Variants in RNF149 observed in about 807,000 individuals in gnomAD.
The protein encoded by RNF149 is E3 ubiquitin-protein ligase RNF149.
RNF149 carries 21 observed loss-of-function variants against 39.0 expected under a neutral mutation model. The observed-to-expected ratio is 0.54, with a 90% CI of 0.38 to 0.77. RNF149 has a LOEUF of 0.77. Among genes scored for constraint, RNF149 ranks in the 30% least tolerant of loss-of-function variants. The probability of loss-of-function intolerance (pLI) is 0.00; values close to 1 mark genes in which losing one functional copy is unlikely to be tolerated. For missense variants in RNF149, 493 were observed against 534.9 expected (o/e 0.92, Z 0.77); for synonymous variants, 209 against 213.6 (o/e 0.98, Z 0.19).
At chr2:101,289,522 T>C (rs771455764) in intron 3 of RNF149, among the ~76,000 whole-genome samples, 2 of 151,956 alleles carry the variant, frequency 1.3e-5, no homozygotes, top group Non-Finnish European at 2.9e-5. Context: ...CTGGCCAACA[T>C]GGTGAAACCT....
rs148697491 is a variant in RNF149 at position 101,295,064 on chromosome 2, T to C, written c.578A>G (p.Gln193Arg). The change falls in exon 2 of 7, where the codon CAG (glutamine) becomes CGG (arginine). Residue 193 changes from glutamine to arginine, a missense_variant. By Grantham distance (43) the Gln-to-Arg change is conservative. Transcript: ENST00000295317. ...CACAGACTGACCGCTGATGAACTCC[T>C]GTACATGCCGGGTGCCAACCCCTAT... Reference protein sequence around the residue: ...MTIGVGTRHVQEFISGQSVVF... With the variant: ...MTIGVGTRHVREFISGQSVVF... 8.7e-6 allele frequency: 14 copies of C among 1,614,066 alleles called. No individual in the cohort carries two copies. Among genetic ancestry groups the C allele is most frequent in the African/African-American group, 6.7e-5 (5 of 74,938 alleles).
chr2:101,279,790 C>T (rs189190285), intron 6 of RNF149, among the ~76,000 whole-genome samples: 2 of 152,268 alleles, frequency 1.3e-5, no homozygotes, highest in Admixed American at 1.3e-4. Context: ...TTTTGCCTCA[C>T]AGATCCTAAA....
intron 6 of RNF149, among the ~76,000 whole-genome samples, chr2:101,277,810 C>G (rs1369886594): frequency 6.6e-6 from 1 of 152,190 alleles, no homozygotes; most frequent in Non-Finnish European, 1.5e-5. Flanking sequence ...GCCTAGCCAA[C>G]ATTAATCTCA....
At chr2:101,304,305 G>C (rs1041071621) in intron 1 of RNF149, among the ~76,000 whole-genome samples, 1 of 152,214 alleles carries the variant, frequency 6.6e-6, no homozygotes, top group African/African-American at 2.4e-5. Flanking sequence ...GCTGAGGTGA[G>C]AGGATCACTT....
intron 6 of RNF149, among the ~76,000 whole-genome samples, chr2:101,277,732 C>A (rs1165761745): frequency 6.6e-6 from 1 of 152,156 alleles, no homozygotes; most frequent in East Asian, 1.9e-4. Flanking sequence ...ACTGATAACC[C>A]ATTCCACTGA....
chr2:101,296,937 G>A (rs548739697), intron 1 of RNF149, among the ~76,000 whole-genome samples: 47 of 152,212 alleles, frequency 3.1e-4, no homozygotes, highest in African/African-American at 1.1e-3. Context: ...GGCCGGGCAC[G>A]GTGCCTCACG....
chr2:101,295,110 C>T lies in RNF149; in HGVS notation c.532G>A (p.Gly178Arg). ...CCTATGGTCATCGTTACTGGAATTC[C>T]TTTTTGCACCAGCTCCAAAATTTCT... ...GREILELVQK[G>R]IPVTMTIGVG... Residue 178 changes from glycine (G) to arginine (R), a missense_variant, in exon 2 of 7, where the codon GGA (glycine) becomes AGA (arginine). Gly to Arg is a moderately radical substitution (Grantham distance 125). Transcript: ENST00000295317. 2 of 1,614,092 alleles carry T rather than the reference C, an allele frequency of 1.2e-6. No individual in the cohort carries two copies. The highest frequency in any genetic ancestry group is 1.7e-6 in the Non-Finnish European group (2 of 1,180,000).
At chr2:101,287,847 A>C (rs1243425084) in intron 4 of RNF149, among the ~76,000 whole-genome samples, 1 of 152,214 alleles carries the variant, frequency 6.6e-6, no homozygotes, top group East Asian at 1.9e-4. Context: ...TCTGCAAACA[A>C]AGCAAAATAT....
intron 1 of RNF149, among the ~76,000 whole-genome samples, chr2:101,296,768 G>A (rs1382673245): frequency 2.6e-5 from 4 of 152,048 alleles, no homozygotes; most frequent in Admixed American, 1.3e-4. Flanking sequence ...CCAATGGCTA[G>A]AAGAAACATG....
rs922441545 is a variant in RNF149, at chr2:101,276,539, C to T, written c.*699G>A. The T allele has an allele frequency of 2.2e-5, 22 of 985,448 alleles. No individual in the cohort carries two copies. In the Admixed American group the frequency reaches 3.7e-4, roughly 17 times the overall value. The allele number at this position is 985,448 out of a possible 1,614,324, so 61.0% of individuals were successfully genotyped here. On this transcript the variant is annotated 3_prime_UTR_variant, in exon 7 of 7. Transcript: ENST00000295317. ...CAATGAAGAACTTAATGCTCATGTG[C>T]GATATAGAATCTTAGCTTTTTATTT... is the stretch of plus-strand genomic sequence containing the variant.
chr2:101,277,399 T>C (rs182781380), intron 6 of RNF149, 118 bp from the exon 7 acceptor site: 2 of 1,316,726 alleles, frequency 1.5e-6, no homozygotes, highest in African/African-American at 1.5e-5. Context: ...GAAAAAAAAA[T>C]TTTTTTTGAG....
intron 5 of RNF149, 78 bp from the exon 6 acceptor site, chr2:101,282,135 A>T: frequency 1.9e-6 from 3 of 1,564,632 alleles, no homozygotes; most frequent in Non-Finnish European, 1.7e-6. Flanking sequence ...CTGGCTCGTA[A>T]TTCACACACA....
At chr2:101,286,261 T>C in intron 4 of RNF149, 84 bp from the exon 5 acceptor site, 1 of 745,754 alleles carries the variant, frequency 1.3e-6, no homozygotes, top group East Asian at 2.7e-5. Flanking sequence ...TACCAACTCA[T>C]CCTCTCATTA....
rs1201874745 is a variant in RNF149, at chr2:101,277,298, T to G, written c.1160-17A>C. 1.2e-6 allele frequency: 2 copies of G among 1,608,424 alleles called. No homozygotes were observed. The highest frequency in any genetic ancestry group is 2.2e-5 in the East Asian group (1 of 44,788). On this transcript the variant is annotated splice_polypyrimidine_tract_variant and intron_variant, in intron 6 of 6. Transcript: ENST00000295317. ...TGCCGGCTTCTGCAAGAGAGCAACATAAGCTACTCCATCAGAAGAGGGCAG... is the reference window on the plus strand; with the variant it reads ...TGCCGGCTTCTGCAAGAGAGCAACAGAAGCTACTCCATCAGAAGAGGGCAG...
At chr2:101,302,056 TTCTGGTCAAA>T (rs1449917747) in intron 1 of RNF149, among the ~76,000 whole-genome samples, 1 of 152,232 alleles carries the variant, frequency 6.6e-6, no homozygotes, top group East Asian at 1.9e-4. Context: ...TCTGGAGAAT[TTCTGGTCAAA>T]TCTTTAAGGT....
downstream of RNF149, among the ~76,000 whole-genome samples, chr2:101,275,569 G>A (rs1682313383): frequency 7.3e-6 from 1 of 137,896 alleles, no homozygotes; most frequent in Non-Finnish European, 1.5e-5. Context: ...AGCCTCCCAA[G>A]TAGCTGGGAC....
At chr2:101,294,708 A>C (rs1287057161) in intron 2 of RNF149, 1 of 502,112 alleles carries the variant, frequency 2.0e-6, no homozygotes, top group African/African-American at 1.9e-5. Flanking sequence ...TGCAGGAAAC[A>C]AATGTGCAAA....
At chr2:101,272,053 CTT>C (rs1277436871), downstream of RNF149, among the ~76,000 whole-genome samples, 1 of 152,158 alleles carries the variant, frequency 6.6e-6, no homozygotes, top group Non-Finnish European at 1.5e-5. Flanking sequence ...ATAGGAAGAA[CTT>C]TTTACACATT....
At chr2:101,304,998 G>C (rs1244406313) in intron 1 of RNF149, among the ~76,000 whole-genome samples, 1 of 151,818 alleles carries the variant, frequency 6.6e-6, no homozygotes, top group Non-Finnish European at 1.5e-5. Context: ...ACACCACCAT[G>C]CCCGGCTAAT....
Sources: gnomAD v4.1 joint callset for allele counts (sites outside exome capture counted in the v4.1 genomes callset) on GRCh38, gnomAD v4.1.1 for gene constraint, MANE v1.5 for transcripts, NCBI Gene and HGNC (gene_info 2026-07-23, HGNC 2026-07-21) for gene names.